The following CLEC1A variants were observed in gnomAD, a reference collection of about 807,000 sequenced individuals.
CLEC1A encodes the protein C-type lectin domain family 1 member A.
In CLEC1A, 34 loss-of-function variants were observed where a neutral mutation model predicts 28.7. That is an observed-to-expected ratio of 1.18 (90% confidence interval 0.90 to 1.57). The LOEUF is 1.57. CLEC1A is among the 40% of genes most tolerant of loss of function. CLEC1A has a pLI of 0.00. For missense variants in CLEC1A, 385 were observed against 339.5 expected, an observed-to-expected ratio of 1.13 and a Z score of -1.05; for synonymous variants, 116 against 121.0, an observed-to-expected ratio of 0.96 and a Z score of 0.27.
chr12:10,086,144 A>T (rs1449457084), intron 2 of CLEC1A, among the ~76,000 whole-genome samples: 1 of 152,186 alleles, frequency 6.6e-6, no homozygotes, highest in East Asian at 1.9e-4. Context: ...CAGAACGATA[A>T]TATTGGTGAC....
At chr12:10,092,062 AAC>A (rs1947713956) in intron 1 of CLEC1A, among the ~76,000 whole-genome samples, 1 of 152,200 alleles carries the variant, frequency 6.6e-6, no homozygotes, top group Admixed American at 6.5e-5. Flanking sequence ...CCCTTACTCA[AAC>A]ACAGTTACAT....
intron 2 of CLEC1A, among the ~76,000 whole-genome samples, chr12:10,083,084 A>G (rs1394140618): frequency 6.6e-6 from 1 of 152,196 alleles, no homozygotes; most frequent in East Asian, 1.9e-4. Flanking sequence ...TGGTAGCACC[A>G]CTGGGTGGCT....
intron 4 of CLEC1A, among the ~76,000 whole-genome samples, 178 bp downstream of exon 4, chr12:10,075,326 A>C (rs544444782): frequency 1.3e-5 from 2 of 152,212 alleles, no homozygotes; most frequent in East Asian, 3.9e-4. Context: ...GGAGAACACA[A>C]CTCCTTCTAT....
rs1297798184 is a variant in CLEC1A, at chr12:10,092,526, G to A, written c.116-3304C>T. 1.2e-4 allele frequency: 28 copies of A among 243,276 alleles called. No homozygotes were observed. The Admixed American group carries it at 1.5e-3, about 13-fold the overall frequency. 15.1% of individuals were successfully genotyped at this position (243,276 alleles called of 1,614,324 possible). On this transcript the variant is annotated intron_variant, in intron 1 of 5. Transcript: ENST00000315330. ...CGTGCCACTCTACTCCAGCCTGGGTGACAGAGCAAGATCTTCTCTCAAAAG... is the reference window on the plus strand; with the variant it reads ...CGTGCCACTCTACTCCAGCCTGGGTAACAGAGCAAGATCTTCTCTCAAAAG...
intron 2 of CLEC1A, among the ~76,000 whole-genome samples, chr12:10,086,085 T>C (rs897227134): frequency 1.3e-5 from 2 of 152,222 alleles, no homozygotes; most frequent in Non-Finnish European, 2.9e-5. Flanking sequence ...TCTTGAATGA[T>C]CTTTGGGTAA....
intron 4 of CLEC1A, among the ~76,000 whole-genome samples, chr12:10,074,408 G>T (rs993067758): frequency 5.3e-5 from 8 of 152,036 alleles, no homozygotes; most frequent in African/African-American, 1.9e-4. Flanking sequence ...AAATGGGCGG[G>T]TGCCTTCAAA....
At chr12:10,078,217 T>C (rs77124812) in intron 3 of CLEC1A, among the ~76,000 whole-genome samples, 4,702 of 152,238 alleles carry the variant, frequency 0.031, 236 homozygotes, top group African/African-American at 0.11. Flanking sequence ...TTCCTCTGCT[T>C]AAAACCCCAT....
At position 10,081,349 on chromosome 12, in the gene CLEC1A, T is replaced by C. The variant is rs139425035; in HGVS notation, c.279A>G (p.Leu93=). 30 of 1,613,306 alleles carry C rather than the reference T, an allele frequency of 1.9e-5. No homozygotes were observed. The African/African-American group carries it at 3.6e-4, about 19-fold the overall frequency. The change falls in exon 3 of 6, where the codon TTA becomes TTG. Residue 93 remains leucine, a synonymous_variant. Transcript: ENST00000315330. Reference sequence around the variant, plus strand: ...ATTGCAACTCTTGGGACGTATTTCCTAATCTTTCTTCCATTTGAGAAATGG... The same window carrying C: ...ATTGCAACTCTTGGGACGTATTTCCCAATCTTTCTTCCATTTGAGAAATGG... The part of the protein sequence containing the change: ...QDTISQMEER[L]GNTSQELQSL...
At chr12:10,096,196 C>T (rs1424564031) in intron 1 of CLEC1A, among the ~76,000 whole-genome samples, 1 of 152,006 alleles carries the variant, frequency 6.6e-6, no homozygotes, top group Admixed American at 6.6e-5. Flanking sequence ...TTCTGCAGAC[C>T]CCTTAAACTC....
chr12:10,098,811 T>C lies in CLEC1A; in HGVS notation c.112A>G (p.Thr38Ala). ...TGGACTCCAGGAGACAGGGTACCTG[T>C]GCGCCGGGGCTCTGGATGCCGAGTT... ...ATTRHPEPRR[T>A]EHRAPSSTWR... Residue 38 changes from threonine (T) to alanine (A), a missense_variant, in exon 1 of 6, where the codon ACA becomes GCA. Transcript: ENST00000315330. 2 of 1,610,356 alleles carry C rather than the reference T, an allele frequency of 1.2e-6. No homozygotes were observed. Among genetic ancestry groups the C allele is most frequent in the Non-Finnish European group, 1.7e-6 (2 of 1,177,682 alleles).
chr12:10,097,233 T>G (rs1947789233), intron 1 of CLEC1A, among the ~76,000 whole-genome samples: 1 of 152,212 alleles, frequency 6.6e-6, no homozygotes. Context: ...TAAATGAATG[T>G]GTGTGTGATT....
At chr12:10,091,480 T>C (rs1947702052) in intron 1 of CLEC1A, among the ~76,000 whole-genome samples, 1 of 151,952 alleles carries the variant, frequency 6.6e-6, no homozygotes, top group South Asian at 2.1e-4. Flanking sequence ...CTCCCAGCCA[T>C]GTTGGTTTCT....
chr12:10,083,922 T>C (rs958275527), intron 2 of CLEC1A, among the ~76,000 whole-genome samples: 1 of 151,636 alleles, frequency 6.6e-6, no homozygotes, highest in African/African-American at 2.4e-5. Context: ...AACAATAGAC[T>C]AGAACAAGGA....
At chr12:10,082,552 C>T (rs909413517) in intron 2 of CLEC1A, among the ~76,000 whole-genome samples, 2 of 152,144 alleles carry the variant, frequency 1.3e-5, no homozygotes, top group Admixed American at 1.3e-4. Flanking sequence ...ACCCTGATCC[C>T]ATGTGATGTT....
At chr12:10,092,371 C>T (rs182529385) in intron 1 of CLEC1A, 30 of 355,456 alleles carry the variant, frequency 8.4e-5, no homozygotes, top group Non-Finnish European at 1.5e-4. Context: ...ATAGTGAGAC[C>T]CCCATCTCTA....
At chr12:10,088,438 A>T (rs964081417) in intron 2 of CLEC1A, among the ~76,000 whole-genome samples, 1 of 8,344 alleles carries the variant, frequency 1.2e-4, no homozygotes, top group Non-Finnish European at 4.3e-4. Flanking sequence ...AACTGTTCAA[A>T]GAACAGTTAA....
rs571358433 is a variant in CLEC1A at position 10,080,622 on chromosome 12, T to C, written c.391+615A>G. Among the ~76,000 whole-genome samples, 5 of 152,290 alleles carry C rather than the reference T, an allele frequency of 3.3e-5. No individual in the cohort carries two copies. In the East Asian group the frequency reaches 5.8e-4, roughly 18 times the overall value. On this transcript the variant is annotated intron_variant, in intron 3 of 5. Coordinates refer to ENST00000315330, the MANE Select transcript of CLEC1A (RefSeq NM_016511.4). ...GAAGAGAGAGCTGACCTGAATAAAGTGGATTATCACAAAACCTGAAAAGAA... is the reference window on the plus strand; with the variant it reads ...GAAGAGAGAGCTGACCTGAATAAAGCGGATTATCACAAAACCTGAAAAGAA...
At chr12:10,087,074 G>C (rs1866508555) in intron 2 of CLEC1A, among the ~76,000 whole-genome samples, 1 of 151,668 alleles carries the variant, frequency 6.6e-6, no homozygotes, top group Non-Finnish European at 1.5e-5. Context: ...GTGTGGTAGT[G>C]GGTGCCTGTA....
chr12:10,078,650 A>T (rs1340379070), intron 3 of CLEC1A, among the ~76,000 whole-genome samples: 1 of 152,184 alleles, frequency 6.6e-6, no homozygotes, highest in African/African-American at 2.4e-5. Context: ...AGTTTCCCAG[A>T]ATGTGGGACT....
Sources: allele counts gnomAD v4.1 joint callset (sites outside exome capture counted in the v4.1 genomes callset), GRCh38; gene constraint gnomAD v4.1.1; transcripts MANE v1.5; gene names NCBI Gene and HGNC (gene_info 2026-07-23, HGNC 2026-07-21).